ARHGAP42: variants seen among roughly 807,000 people sequenced by gnomAD.
ARHGAP42 encodes the protein rho GTPase-activating protein 42.
ARHGAP42 carries 63 observed loss-of-function variants against 125.0 expected under a neutral mutation model. The ratio of observed to expected loss-of-function variants is 0.50; its 90% CI spans 0.41 to 0.62. The LOEUF (loss-of-function observed/expected upper bound fraction) is 0.62. Ranked by LOEUF, ARHGAP42 falls within the 20% of genes least tolerant of loss-of-function variation. The pLI, the probability that ARHGAP42 is intolerant of heterozygous loss-of-function variation, is 0.00. For missense variants in ARHGAP42, 766 were observed against 1,024.2 expected (o/e 0.75, Z 3.44); for synonymous variants, 339 against 351.0 (o/e 0.97, Z 0.38).
In ARHGAP42 at chr11:100,974,452, T is replaced by C. The variant is rs762355161; in HGVS notation, c.1711-7T>C. Reference sequence around the variant, plus strand: ...TATTGACCTTGGTCCATTTTTCTTATACGTAGATTTTTCATACTGCTCCAG... The same window carrying C: ...TATTGACCTTGGTCCATTTTTCTTACACGTAGATTTTTCATACTGCTCCAG... On this transcript the variant is annotated splice_region_variant and splice_polypyrimidine_tract_variant and intron_variant, in intron 18 of 23. Transcript: ENST00000298815. 2.6e-6 allele frequency: 4 copies of C among 1,547,910 alleles called. No homozygotes were observed. In the Admixed American group the frequency reaches 7.9e-5, roughly 31 times the overall value.
chr11:100,791,944 GA>G (rs1224806949), intron 2 of ARHGAP42, among the ~76,000 whole-genome samples: 1 of 152,194 alleles, frequency 6.6e-6, no homozygotes, highest in African/African-American at 2.4e-5. Context: ...CAAAAAAGTA[GA>G]ATAGCAAAAT....
intron 3 of ARHGAP42, among the ~76,000 whole-genome samples, chr11:100,820,579 A>G (rs1565228267): frequency 6.6e-6 from 1 of 152,172 alleles, no homozygotes; most frequent in Non-Finnish European, 1.5e-5. Context: ...TAGCTAATAG[A>G]TCAGTTTATG....
intron 1 of ARHGAP42, among the ~76,000 whole-genome samples, chr11:100,734,263 G>T (rs764272301): frequency 2.6e-4 from 39 of 150,722 alleles, no homozygotes; most frequent in Non-Finnish European, 5.0e-4. Flanking sequence ...TGTTATCCGT[G>T]AAATCCACCC....
chr11:100,842,739 C>G (rs1335441522), intron 3 of ARHGAP42, among the ~76,000 whole-genome samples: 1 of 151,950 alleles, frequency 6.6e-6, no homozygotes, highest in African/African-American at 2.4e-5. Context: ...ACAATGAAAT[C>G]AAAATAGAAA....
intron 1 of ARHGAP42, among the ~76,000 whole-genome samples, chr11:100,710,910 G>T (rs775739569): frequency 2.6e-5 from 4 of 152,118 alleles, no homozygotes; most frequent in Non-Finnish European, 4.4e-5. Context: ...CACTTGTTCT[G>T]TTCAACCCTG....
intron 3 of ARHGAP42, chr11:100,840,445 CA>C (rs1215057501): frequency 6.6e-6 from 1 of 152,136 alleles, no homozygotes; most frequent in Non-Finnish European, 1.5e-5. Flanking sequence ...GCTTGATATT[CA>C]ATGAGTAAAA....
intron 22 of ARHGAP42, among the ~76,000 whole-genome samples, chr11:100,986,949 C>T (rs754990397): frequency 1.3e-4 from 20 of 151,838 alleles, no homozygotes; most frequent in Non-Finnish European, 2.9e-4. Context: ...ATGGGTGTAC[C>T]CTGGTTTGCA....
At chr11:100,957,609 T>C (rs1275024911) in intron 12 of ARHGAP42, among the ~76,000 whole-genome samples, 1 of 152,104 alleles carries the variant, frequency 6.6e-6, no homozygotes, top group Non-Finnish European at 1.5e-5. Context: ...AAATTCATGG[T>C]TATTTTTGCC....
chr11:100,952,253 A>G (rs991991844), intron 12 of ARHGAP42, among the ~76,000 whole-genome samples: 4 of 152,066 alleles, frequency 2.6e-5, no homozygotes, highest in Non-Finnish European at 5.9e-5. Flanking sequence ...TGTACATTTA[A>G]TTAGTAAAGT....
chr11:100,855,158 G>GCC (rs1423412961), intron 3 of ARHGAP42, among the ~76,000 whole-genome samples: 17 of 152,224 alleles, frequency 1.1e-4, no homozygotes, highest in Non-Finnish European at 1.8e-4. Flanking sequence ...TAGAATATCA[G>GCC]AAGTATTGCT....
At chr11:100,753,947 C>T (rs1449983790) in intron 1 of ARHGAP42, among the ~76,000 whole-genome samples, 1 of 152,224 alleles carries the variant, frequency 6.6e-6, no homozygotes, top group Non-Finnish European at 1.5e-5. Flanking sequence ...TGTTAAGTTC[C>T]TGCATTGCTC....
rs553749625 is a variant in ARHGAP42 at position 100,762,970 on chromosome 11, A to ATTT, written c.155-7349_155-7347dup. 4.4e-3 allele frequency among the ~76,000 whole-genome samples: 371 copies of ATTT among 85,008 alleles called. 39 individuals carry two copies. The highest frequency in any genetic ancestry group is 0.011 in the African/African-American group (226 of 20,522). The allele number at this position is 85,008 out of a possible 152,430, so 55.8% of individuals were successfully genotyped here. A position where few individuals can be genotyped will look rare whatever the true frequency, so the allele number is the denominator to read the frequency against. On this transcript the variant is annotated intron_variant, in intron 1 of 23. Coordinates refer to ENST00000298815, the MANE Select transcript of ARHGAP42 (RefSeq NM_152432.4). ...ACGAGCTTTTCAGTAGTTTATAGTGATTTTTTTTTTTTTTTTTTTTTTTTT... is the reference window on the plus strand; with the variant it reads ...ACGAGCTTTTCAGTAGTTTATAGTGATTTTTTTTTTTTTTTTTTTTTTTTTTTT...
At chr11:100,872,382 G>A (rs1055469859) in intron 4 of ARHGAP42, among the ~76,000 whole-genome samples, 2 of 151,766 alleles carry the variant, frequency 1.3e-5, no homozygotes, top group Non-Finnish European at 2.9e-5. Flanking sequence ...CCAAATTAAT[G>A]AGTTTTTGTT....
chr11:100,690,600 A>G (rs960018653), intron 1 of ARHGAP42, among the ~76,000 whole-genome samples: 67 of 152,142 alleles, frequency 4.4e-4, no homozygotes, highest in African/African-American at 1.5e-3. Context: ...TATTTTATTT[A>G]TTTATTTTTC....
intron 19 of ARHGAP42, 67 bp from the exon 20 acceptor site, chr11:100,975,990 G>A: frequency 6.9e-7 from 1 of 1,441,490 alleles, no homozygotes; most frequent in Non-Finnish European, 9.2e-7. Flanking sequence ...GAACAGAAGG[G>A]TTTTGGTGAT....
chr11:100,795,772 TC>T (rs1863695621), intron 3 of ARHGAP42, among the ~76,000 whole-genome samples: 1 of 152,224 alleles, frequency 6.6e-6, no homozygotes, highest in African/African-American at 2.4e-5. Context: ...TGATGCAATG[TC>T]CTCATCTGTA....
intron 3 of ARHGAP42, among the ~76,000 whole-genome samples, chr11:100,846,843 T>C (rs999088782): frequency 6.6e-6 from 1 of 151,946 alleles, no homozygotes; most frequent in Non-Finnish European, 1.5e-5. Context: ...GGTGTTCAGA[T>C]AGGGAACAAG....
At chr11:100,725,619 T>TA (rs1198555350) in intron 1 of ARHGAP42, among the ~76,000 whole-genome samples, 4 of 142,280 alleles carry the variant, frequency 2.8e-5, no homozygotes, top group African/African-American at 5.3e-5. Flanking sequence ...ACCAAAAATT[T>TA]AAAAAAACAA....
intron 4 of ARHGAP42, among the ~76,000 whole-genome samples, chr11:100,873,520 A>G (rs951527182): frequency 6.6e-6 from 1 of 152,190 alleles, no homozygotes; most frequent in African/African-American, 2.4e-5. Context: ...ATGGAGGATG[A>G]AGGCAGAATT....
Sources: gnomAD v4.1 joint callset for allele counts (sites outside exome capture counted in the v4.1 genomes callset) on GRCh38, gnomAD v4.1.1 for gene constraint, MANE v1.5 for transcripts, NCBI Gene and HGNC (gene_info 2026-07-23, HGNC 2026-07-21) for gene names.